STX18: variants seen among roughly 807,000 people sequenced by gnomAD.
The protein encoded by STX18 is syntaxin-18.
A neutral mutation model predicts 50.1 loss-of-function variants in STX18; 40 were observed. The observed-to-expected ratio is 0.80, with a 90% confidence interval of 0.62 to 1.04. The LOEUF (loss-of-function observed/expected upper bound fraction) is 1.04. STX18 is among the 50% of genes least tolerant of loss of function. STX18 has a pLI of 0.00. For missense variants in STX18, 410 were observed against 415.8 expected (o/e 0.99, Z 0.12); for synonymous variants, 158 against 151.8 (o/e 1.04, Z -0.30).
chr4:4,423,036 C>G (rs1169214399), intron 9 of STX18, among the ~76,000 whole-genome samples: 1 of 152,174 alleles, frequency 6.6e-6, no homozygotes, highest in African/African-American at 2.4e-5. Flanking sequence ...GTGGCATGGA[C>G]CGCGCGTTGT....
intron 1 of STX18, chr4:4,507,176 TC>T: frequency 1.7e-6 from 1 of 575,902 alleles, no homozygotes; most frequent in South Asian, 1.5e-5. Context: ...GGCATGACAC[TC>T]CCTCTTGATG....
intron 1 of STX18, among the ~76,000 whole-genome samples, chr4:4,498,141 A>T (rs1317878720): frequency 9.9e-5 from 15 of 152,236 alleles, no homozygotes; most frequent in Non-Finnish European, 2.1e-4. Context: ...CTTGTTCCAC[A>T]GACACTCAGT....
intron 1 of STX18, among the ~76,000 whole-genome samples, chr4:4,527,867 C>CACACATAT (rs372566368): frequency 1.3e-3 from 181 of 137,202 alleles, no homozygotes; most frequent in South Asian, 2.3e-3. Context: ...CACACACACA[C>CACACATAT]ATATATATAT....
chr4:4,470,167 C>T (rs907749677), intron 2 of STX18, among the ~76,000 whole-genome samples: 6 of 152,182 alleles, frequency 3.9e-5, no homozygotes, highest in African/African-American at 7.2e-5. Context: ...GAAGTTTAAT[C>T]TGAAGTGAGG....
At chr4:4,480,660 T>G (rs1728416205) in intron 1 of STX18, among the ~76,000 whole-genome samples, 1 of 152,190 alleles carries the variant, frequency 6.6e-6, no homozygotes, top group Non-Finnish European at 1.5e-5. Context: ...TTTAAAAAAC[T>G]TTTTGAATTG....
At chr4:4,465,011 A>T (rs936451246) in intron 2 of STX18, among the ~76,000 whole-genome samples, 2 of 146,244 alleles carry the variant, frequency 1.4e-5, no homozygotes, top group Non-Finnish European at 3.0e-5. Flanking sequence ...TTGTTCTTTT[A>T]GTTTTGATGT....
intron 7 of STX18, chr4:4,426,209 C>T (rs1289421720): frequency 6.6e-6 from 1 of 152,218 alleles, no homozygotes; most frequent in African/African-American, 2.4e-5. Context: ...TAAACTGTGC[C>T]CATCCCAAAC....
intron 8 of STX18, among the ~76,000 whole-genome samples, chr4:4,424,698 G>C (rs1725153857): frequency 6.6e-6 from 1 of 152,186 alleles, no homozygotes; most frequent in African/African-American, 2.4e-5. Context: ...AGGCTAACGG[G>C]TGCATGTGTG....
chr4:4,424,418 GTATC>G (rs2108771508), intron 8 of STX18, among the ~76,000 whole-genome samples: 1 of 151,030 alleles, frequency 6.6e-6, no homozygotes, highest in South Asian at 2.1e-4. Flanking sequence ...AAGCCAGTGA[GTATC>G]TGGGCATGGG....
intron 1 of STX18, among the ~76,000 whole-genome samples, chr4:4,512,092 G>A (rs1025516667): frequency 2.6e-5 from 4 of 152,090 alleles, no homozygotes; most frequent in Admixed American, 6.6e-5. Flanking sequence ...AAAATTGCAC[G>A]AGCCACTGGT....
chr4:4,435,215 T>C (rs1021462702), intron 6 of STX18, among the ~76,000 whole-genome samples: 4 of 152,202 alleles, frequency 2.6e-5, no homozygotes, highest in Non-Finnish European at 5.9e-5. Flanking sequence ...TCAAGACACA[T>C]ACACCCCTGT....
Position 4,485,690 on chromosome 4 carries a change from C to T in STX18, c.169-13984G>A, listed in dbSNP as rs538358793. ...CCAGAGCTCACACACGCTGGGTGGA[C>T]GGCAGGCACTGCTGAAACAGGCATT... On this transcript the variant is annotated intron_variant, in intron 1 of 10. Transcript: ENST00000306200. Among the ~76,000 whole-genome samples, 22 of 152,302 alleles carry T rather than the reference C, an allele frequency of 1.4e-4. No individual in the cohort carries two copies. In the South Asian group the frequency reaches 2.3e-3, roughly 16 times the overall value.
chr4:4,460,025 C>A (rs890381858), intron 2 of STX18, among the ~76,000 whole-genome samples: 1 of 152,180 alleles, frequency 6.6e-6, no homozygotes, highest in Non-Finnish European at 1.5e-5. Flanking sequence ...CTTAATGAGG[C>A]CTTCCCTAAT....
At chr4:4,527,032 C>A (rs1408646150) in intron 1 of STX18, among the ~76,000 whole-genome samples, 1 of 152,004 alleles carries the variant, frequency 6.6e-6, no homozygotes, top group Non-Finnish European at 1.5e-5. Context: ...ATTTAACTTC[C>A]TCTTGTCATT....
intron 5 of STX18, among the ~76,000 whole-genome samples, chr4:4,449,427 A>C (rs1338654084): frequency 6.6e-6 from 1 of 152,110 alleles, no homozygotes; most frequent in Non-Finnish European, 1.5e-5. Context: ...ACTGCTCCTA[A>C]CTAGTACTTC....
chr4:4,487,827 T>C (rs1728764322), intron 1 of STX18, among the ~76,000 whole-genome samples: 1 of 152,202 alleles, frequency 6.6e-6, no homozygotes, highest in Non-Finnish European at 1.5e-5. Flanking sequence ...TTTAAAACTT[T>C]AAAAAATTCT....
chr4:4,502,402 T>G (rs922192156), intron 1 of STX18, among the ~76,000 whole-genome samples: 4 of 151,920 alleles, frequency 2.6e-5, no homozygotes, highest in Admixed American at 1.3e-4. Context: ...AAGCTAGGAG[T>G]CAATAAAAAC....
chr4:4,499,836 G>C (rs1161285717), intron 1 of STX18, among the ~76,000 whole-genome samples: 4 of 151,678 alleles, frequency 2.6e-5, no homozygotes, highest in Non-Finnish European at 5.9e-5. Context: ...TGTGCGTTCA[G>C]TGGGGGGAAA....
chr4:4,483,472 T>C (rs1329802207), intron 1 of STX18, among the ~76,000 whole-genome samples: 1 of 152,202 alleles, frequency 6.6e-6, no homozygotes, highest in Non-Finnish European at 1.5e-5. Context: ...CCCAACTTAC[T>C]AACTTCAATC....
Sources: gnomAD v4.1 joint callset for allele counts (sites outside exome capture counted in the v4.1 genomes callset) on GRCh38, gnomAD v4.1.1 for gene constraint, MANE v1.5 for transcripts, NCBI Gene and HGNC (gene_info 2026-07-23, HGNC 2026-07-21) for gene names.